AFF3: variants seen among roughly 807,000 people sequenced by gnomAD.
The protein encoded by AFF3 is ALF transcription elongation factor 3, also known as AF4/FMR2 family member 3.
In AFF3, 32 loss-of-function variants were observed where a neutral mutation model predicts 129.7. That is an observed-to-expected ratio of 0.25 (90% CI 0.19 to 0.33). The LOEUF (loss-of-function observed/expected upper bound fraction) is 0.33. Ranked by LOEUF, AFF3 falls within the 10% of genes least tolerant of loss-of-function variation. The pLI, the probability that AFF3 is intolerant of heterozygous loss-of-function variation, is 1.00. For synonymous variants in AFF3, 644 were observed against 635.4 expected (o/e 1.01, Z -0.20); for missense variants, 1,373 against 1,592.0 (o/e 0.86, Z 2.34).
chr2:100,060,192 G>C (rs1201350312), intron 4 of AFF3, among the ~76,000 whole-genome samples: 1 of 152,050 alleles, frequency 6.6e-6, no homozygotes, highest in Admixed American at 6.6e-5. Flanking sequence ...CACCTTTATA[G>C]TCACTTGAAG....
chr2:99,742,789 G>T (rs775007956), intron 10 of AFF3, among the ~76,000 whole-genome samples: 4 of 152,234 alleles, frequency 2.6e-5, no homozygotes, highest in Non-Finnish European at 4.4e-5. Flanking sequence ...TGCAGCTATT[G>T]TAAAGATTAA....
At chr2:99,609,249 T>G (rs1476248251) in intron 13 of AFF3, among the ~76,000 whole-genome samples, 10 of 152,222 alleles carry the variant, frequency 6.6e-5, no homozygotes, top group African/African-American at 2.4e-4. Context: ...CATAGGTTTT[T>G]GGGGGGGAGG....
chr2:99,746,535 T>C (rs1325386167), intron 9 of AFF3, among the ~76,000 whole-genome samples: 3 of 152,202 alleles, frequency 2.0e-5, no homozygotes, highest in Admixed American at 6.5e-5. Context: ...CTTTCAATTA[T>C]GGTAATAATG....
intron 2 of AFF3, among the ~76,000 whole-genome samples, chr2:100,124,679 G>C (rs1345843790): frequency 6.7e-6 from 1 of 150,148 alleles, no homozygotes; most frequent in East Asian, 2.0e-4. Context: ...AGATGGGGGG[G>C]TGTATCAGGT....
In AFF3 at chr2:99,551,152, CGG is replaced by C; in HGVS notation, c.*320_*321del. 2.5e-6 allele frequency: 1 copy of C among 405,354 alleles called. No homozygotes were observed. Among genetic ancestry groups the C allele is most frequent in the East Asian group, 3.4e-5 (1 of 29,702 alleles). 25.1% of individuals were successfully genotyped at this position (405,354 alleles called of 1,614,324 possible). A position where few individuals can be genotyped will look rare whatever the true frequency, so the allele number is the denominator to read the frequency against. On this transcript the variant is annotated 3_prime_UTR_variant, in exon 25 of 25. Coordinates refer to ENST00000672756, the MANE Select transcript of AFF3 (RefSeq NM_001386135.1). The stretch of plus-strand genomic sequence containing the variant: ...GTGTCTGTGATTGTGTGTGAGTGTA[CGG>C]TGTGTGTGTGTGTGTGTGTGTGTGT...
rs772469997 is a variant in AFF3, at chr2:99,548,061, T to G, written c.*3413A>C. On this transcript the variant is annotated 3_prime_UTR_variant, in exon 25 of 25. Transcript: ENST00000672756. ...CTCTCTCCAGGCACGATTCTGCACA[T>G]GAGTCTGATCTGTGTAGAGTAGTAT... 2 of 208,304 alleles carry G rather than the reference T, an allele frequency of 9.6e-6. No homozygotes were observed. Among genetic ancestry groups the G allele is most frequent in the Non-Finnish European group, 9.8e-6 (1 of 102,004 alleles). The allele number at this position is 208,304 out of a possible 1,614,324, so 12.9% of individuals were successfully genotyped here. A position where few individuals can be genotyped will look rare whatever the true frequency, so the allele number is the denominator to read the frequency against.
chr2:99,867,880 G>A (rs566232658), intron 7 of AFF3, among the ~76,000 whole-genome samples: 1 of 152,158 alleles, frequency 6.6e-6, no homozygotes, highest in Admixed American at 6.5e-5. Flanking sequence ...ACTTCATTAC[G>A]CCAGACTTCC....
Position 99,554,698 on chromosome 2 carries a change from C to A in AFF3, c.3320G>T (p.Trp1107Leu). The A allele has an allele frequency of 6.2e-7, 1 of 1,614,204 alleles. No individual in the cohort carries two copies. Among genetic ancestry groups the A allele is most frequent in the Non-Finnish European group, 8.5e-7 (1 of 1,180,024 alleles). Residue 1107 changes from tryptophan to leucine, a missense_variant, in exon 23 of 25, where the codon TGG (tryptophan) becomes TTG (leucine). Coordinates refer to ENST00000672756, the MANE Select transcript of AFF3 (RefSeq NM_001386135.1). Reference sequence around the variant, plus strand: ...GCGAACTTACTTTCCACTGGCCCCCCACGGAGATGGGGCTTGGGCGGCTTT... The same window carrying A: ...GCGAACTTACTTTCCACTGGCCCCCAACGGAGATGGGGCTTGGGCGGCTTT... ...SSKAAQAPSP[W>L]GASGKSTGTP...
intron 8 of AFF3, among the ~76,000 whole-genome samples, chr2:99,754,658 T>C (rs945377149): frequency 5.9e-5 from 9 of 152,242 alleles, no homozygotes; most frequent in African/African-American, 2.2e-4. Flanking sequence ...AACAGCTTCT[T>C]ACAACTGACA....
Position 100,008,784 on chromosome 2 carries a change from T to C in AFF3, c.174+28A>G, listed in dbSNP as rs192103651. On this transcript the variant is annotated intron_variant, in intron 5 of 24. Coordinates refer to ENST00000672756, the MANE Select transcript of AFF3 (RefSeq NM_001386135.1). ...GGGAGTGAGAGAAACAAGTGAGAGG[T>C]AGAGATGAACAACTGAAAACCATCT... 4.3e-4 allele frequency: 687 copies of C among 1,608,854 alleles called. 1 individual carries two copies. The highest frequency in any genetic ancestry group is 5.1e-4 in the Non-Finnish European group (600 of 1,177,414).
rs138353584 is a variant in AFF3 at position 99,648,934 on chromosome 2, C to CTCTCTCTCTCTT, written c.1184+691_1184+692insAAGAGAGAGAGA. The stretch of plus-strand genomic sequence containing the variant: ...ACACACACACTCTCTCTCTCTCTCT[C>CTCTCTCTCTCTT]TCTCCAATCTTAGTAAGTGAAAAAA... On this transcript the variant is annotated intron_variant, in intron 13 of 24. Coordinates refer to ENST00000672756, the MANE Select transcript of AFF3 (RefSeq NM_001386135.1). Among the ~76,000 whole-genome samples, 405 of 119,330 alleles carry CTCTCTCTCTCTT rather than the reference C, an allele frequency of 3.4e-3. 14 individuals carry two copies. Among genetic ancestry groups the CTCTCTCTCTCTT allele is most frequent in the Middle Eastern group, 0.025 (6 of 244 alleles). 78.3% of individuals were successfully genotyped at this position (119,330 alleles called of 152,430 possible).
At chr2:100,042,502 G>A (rs1685524716) in intron 4 of AFF3, among the ~76,000 whole-genome samples, 1 of 152,192 alleles carries the variant, frequency 6.6e-6, no homozygotes, top group Non-Finnish European at 1.5e-5. Flanking sequence ...TTACACAGAT[G>A]AATGCTGTGC....
chr2:99,961,076 T>C (rs1293073343), intron 7 of AFF3, among the ~76,000 whole-genome samples: 1 of 152,216 alleles, frequency 6.6e-6, no homozygotes, highest in East Asian at 1.9e-4. Flanking sequence ...TCCTACTGCC[T>C]GTGGAGCTTC....
Position 99,752,264 on chromosome 2 carries a change from G to A in AFF3, c.959C>T (p.Ala320Val). Residue 320 changes from alanine to valine, a missense_variant, in exon 9 of 25, where the codon GCA becomes GTA. Transcript: ENST00000672756. ...TWLPPLSAIQ[A>V]PGKVEPTKFP... Reference sequence around the variant, plus strand: ...TTTGGTTGGTTCCACTTTGCCAGGTGCTTGAATAGCAGAAAGTGGTGGAAG... The same window carrying A: ...TTTGGTTGGTTCCACTTTGCCAGGTACTTGAATAGCAGAAAGTGGTGGAAG... 1 of 1,613,998 alleles carries A rather than the reference G, an allele frequency of 6.2e-7. No homozygotes were observed. Among genetic ancestry groups the A allele is most frequent in the East Asian group, 2.2e-5 (1 of 44,876 alleles).
At chr2:100,081,404 G>T (rs1317374092) in intron 4 of AFF3, among the ~76,000 whole-genome samples, 6 of 151,722 alleles carry the variant, frequency 4.0e-5, no homozygotes, top group African/African-American at 1.2e-4. Flanking sequence ...CCTCTGGGCA[G>T]CCAACCCAAG....
intron 7 of AFF3, among the ~76,000 whole-genome samples, chr2:100,002,719 G>A (rs1681540791): frequency 6.6e-6 from 1 of 152,128 alleles, no homozygotes; most frequent in Non-Finnish European, 1.5e-5. Context: ...CCAGCCACTG[G>A]AGCCCTCTGC....
intron 2 of AFF3, among the ~76,000 whole-genome samples, chr2:100,111,957 C>T (rs1257124959): frequency 6.6e-6 from 1 of 152,208 alleles, no homozygotes; most frequent in Non-Finnish European, 1.5e-5. Context: ...TTTTACTTTT[C>T]AAGGGCTCAG....
chr2:99,583,226 G>A (rs1677753381), intron 16 of AFF3, among the ~76,000 whole-genome samples: 1 of 152,136 alleles, frequency 6.6e-6, no homozygotes, highest in Admixed American at 6.5e-5. Context: ...TAATTCTGGA[G>A]CCAGCACCAA....
chr2:99,755,691 C>G (rs1160813763), intron 8 of AFF3, among the ~76,000 whole-genome samples: 2 of 152,196 alleles, frequency 1.3e-5, no homozygotes, highest in South Asian at 2.1e-4. Flanking sequence ...GCTTCACAAC[C>G]CTGACTTTAA....
Sources: gnomAD v4.1 joint callset for allele counts (sites outside exome capture counted in the v4.1 genomes callset) on GRCh38, gnomAD v4.1.1 for gene constraint, MANE v1.5 for transcripts, NCBI Gene and HGNC (gene_info 2026-07-23, HGNC 2026-07-21) for gene names.